SLC46A2: variants seen among roughly 807,000 people sequenced by gnomAD.
The protein encoded by SLC46A2 is thymic stromal co-transporter.
In SLC46A2, 25 loss-of-function variants were observed where a neutral mutation model predicts 33.1. That is an observed-to-expected ratio of 0.76 (90% CI 0.55 to 1.06). The LOEUF is 1.06. Among genes scored for constraint, SLC46A2 ranks in the 50% least tolerant of loss-of-function variants. The pLI is 0.00. For missense variants in SLC46A2, 622 were observed against 621.7 expected, an observed-to-expected ratio of 1.00 and a Z score of 0.00; for synonymous variants, 254 against 275.9, an observed-to-expected ratio of 0.92 and a Z score of 0.79.
At chr9:112,882,105 G>GTTGTTT in intron 3 of SLC46A2, among the ~76,000 whole-genome samples, 1 of 152,092 alleles carries the variant, frequency 6.6e-6, no homozygotes, top group East Asian at 1.9e-4. Context: ...TTTTGTTGTT[G>GTTGTTT]TTGTTTTTGT....
chr9:112,890,828 G>A lies in SLC46A2; in HGVS notation c.-147C>T, dbSNP rs144917707. ...GGAGCGCGAGTGTGCTCCGTGCGCC[G>A]GGAGCGCGCCGGCCAGTGGCGAGCA... On this transcript the variant is annotated 5_prime_UTR_variant, in exon 1 of 4. Transcript: ENST00000374228. The surrounding 1 kb of genome is among the most constrained non-coding windows in gnomAD (Gnocchi z 6.0). The A allele has an allele frequency of 2.3e-3, 2,241 of 962,598 alleles. 14 individuals carry two copies. Among genetic ancestry groups the A allele is most frequent in the African/African-American group, 0.02 (1,215 of 60,956 alleles). The allele number at this position is 962,598 out of a possible 1,614,324, so 59.6% of individuals were successfully genotyped here.
intron 3 of SLC46A2, 106 bp from the exon 4 acceptor site, chr9:112,879,925 AATC>A (rs1394895375): frequency 9.8e-7 from 1 of 1,025,516 alleles, no homozygotes; most frequent in Non-Finnish European, 1.5e-6. Context: ...CTTTAGGCAA[AATC>A]ATAGGTAGGC....
chr9:112,890,761 C>G lies in SLC46A2; in HGVS notation c.-80G>C. 6.8e-7 allele frequency: 1 copy of G among 1,473,922 alleles called. No individual in the cohort carries two copies. Among genetic ancestry groups the G allele is most frequent in the Non-Finnish European group, 9.0e-7 (1 of 1,108,586 alleles). 91.3% of individuals were successfully genotyped at this position (1,473,922 alleles called of 1,614,324 possible). On this transcript the variant is annotated 5_prime_UTR_variant, in exon 1 of 4. Transcript: ENST00000374228. The surrounding 1 kb of genome is among the most constrained non-coding windows in gnomAD (Gnocchi z 6.0). Reference sequence around the variant, plus strand: ...CTCCCAAATTCGGCTGCTACGGCTGCTCAGGTTTCAGTCCCGGAGCGCGAG... The same window carrying G: ...CTCCCAAATTCGGCTGCTACGGCTGGTCAGGTTTCAGTCCCGGAGCGCGAG...
chr9:112,883,442 A>C (rs1303432894), intron 3 of SLC46A2, among the ~76,000 whole-genome samples: 1 of 152,048 alleles, frequency 6.6e-6, no homozygotes, highest in Non-Finnish European at 1.5e-5. Context: ...AAGTTATTTA[A>C]TACCTTGGAG....
At position 112,886,717 on chromosome 9, in the gene SLC46A2, A is replaced by ACT. The variant is rs755827609; in HGVS notation, c.1214-103_1214-102dup. On this transcript the variant is annotated intron_variant, in intron 2 of 3. Transcript: ENST00000374228. The stretch of plus-strand genomic sequence containing the variant: ...AGTTCTTAGGGGACCCTTCCTTCTT[A>ACT]CTCTCTCTCTCTCTCTCTTTTTTTA... 1,012 of 1,125,384 alleles carry ACT rather than the reference A, an allele frequency of 9.0e-4. 1 individual carries two copies. The highest frequency in any genetic ancestry group is 2.4e-3 in the Middle Eastern group (8 of 3,342). 69.7% of individuals were successfully genotyped at this position (1,125,384 alleles called of 1,614,324 possible). A position where few individuals can be genotyped will look rare whatever the true frequency, so the allele number is the denominator to read the frequency against.
In SLC46A2 at chr9:112,880,918, T is replaced by A. The variant is rs146735185; in HGVS notation, c.1371-1099A>T. 1.0e-3 allele frequency among the ~76,000 whole-genome samples: 155 copies of A among 152,256 alleles called. 1 individual carries two copies. Among genetic ancestry groups the A allele is most frequent in the African/African-American group, 3.6e-3 (149 of 41,556 alleles). On this transcript the variant is annotated intron_variant, in intron 3 of 3. Transcript: ENST00000374228. ...AAGTACTGAACTTCTCCATTTCCCA[T>A]AACATCATGAGCCCTTTGCATCCAC...
intron 1 of SLC46A2, among the ~76,000 whole-genome samples, chr9:112,888,760 G>T (rs1841679814): frequency 6.6e-6 from 1 of 152,100 alleles, no homozygotes; most frequent in Non-Finnish European, 1.5e-5. Flanking sequence ...CATTGGTTGT[G>T]GAAGGCATTT....
At chr9:112,888,607 C>T (rs1458098319) in intron 1 of SLC46A2, among the ~76,000 whole-genome samples, 1 of 152,206 alleles carries the variant, frequency 6.6e-6, no homozygotes, top group Non-Finnish European at 1.5e-5. Flanking sequence ...CCAGTGGCTT[C>T]TGTATTGGAC....
In SLC46A2 at chr9:112,888,894, TG is replaced by T. The variant is rs1415391906; in HGVS notation, c.1129+658del. On this transcript the variant is annotated intron_variant, in intron 1 of 3. Coordinates refer to ENST00000374228, the MANE Select transcript of SLC46A2 (RefSeq NM_033051.4). ...CCACGTTTTTTTTTTTTTGTTTGTT[TG>T]TTTTTTTTTTTTTGAGACAGAGTCT... is the stretch of plus-strand genomic sequence containing the variant. Among the ~76,000 whole-genome samples, 1,052 of 147,118 alleles carry T rather than the reference TG, an allele frequency of 7.2e-3. 12 individuals carry two copies. The highest frequency in any genetic ancestry group is 0.022 in the African/African-American group (868 of 38,798).
chr9:112,890,705 A>G lies in SLC46A2; in HGVS notation c.-24T>C. 6.4e-7 allele frequency: 1 copy of G among 1,573,606 alleles called. No homozygotes were observed. Among genetic ancestry groups the G allele is most frequent in the South Asian group, 1.1e-5 (1 of 88,116 alleles). On this transcript the variant is annotated 5_prime_UTR_variant, in exon 1 of 4. Coordinates refer to ENST00000374228, the MANE Select transcript of SLC46A2 (RefSeq NM_033051.4). This position sits in a 1 kb window ranked among gnomAD's most constrained non-coding sequence, Gnocchi z 6.0. ...ATGTGACCTCTCTGATGGGGATCGA[A>G]GGGCTTTCTGGCTGCAGTGACAAGG...
At chr9:112,881,100 T>C (rs900577484) in intron 3 of SLC46A2, among the ~76,000 whole-genome samples, 52 of 152,224 alleles carry the variant, frequency 3.4e-4, no homozygotes, top group African/African-American at 1.2e-3. Context: ...TTACATTGTT[T>C]AAAATTATCT....
chr9:112,881,691 G>A (rs1014423924), intron 3 of SLC46A2: 2 of 152,220 alleles, frequency 1.3e-5, no homozygotes, highest in African/African-American at 4.8e-5. Flanking sequence ...TATATGCTAG[G>A]ATCTGTGCTG....
chr9:112,890,805 AGCGCGAGTGTGCTCCGTGCGCCG>A lies in SLC46A2; in HGVS notation c.-147_-125del, dbSNP rs1266598676. 0.011 allele frequency: 12,992 copies of A among 1,146,952 alleles called. 114 individuals are homozygous for A. Among genetic ancestry groups the A allele is most frequent in the Non-Finnish European group, 0.013 (10,626 of 830,350 alleles). 71.0% of individuals were successfully genotyped at this position (1,146,952 alleles called of 1,614,324 possible). A position where few individuals can be genotyped will look rare whatever the true frequency, so the allele number is the denominator to read the frequency against. ...GCGCGAGTGTGCTCCGTGCGCCGGG[AGCGCGAGTGTGCTCCGTGCGCCG>A]GGAGCGCGCCGGCCAGTGGCGAGCA... On this transcript the variant is annotated 5_prime_UTR_variant, in exon 1 of 4. Transcript: ENST00000374228. This position sits in a 1 kb window ranked among gnomAD's most constrained non-coding sequence, Gnocchi z 6.0.
Position 112,878,931 on chromosome 9 carries a change from T to C in SLC46A2, c.*831A>G, listed in dbSNP as rs139239754. 2.4e-4 allele frequency: 37 copies of C among 152,296 alleles called. 1 individual carries two copies. Among genetic ancestry groups the C allele is most frequent in the African/African-American group, 8.7e-4 (36 of 41,584 alleles). 9.4% of individuals were successfully genotyped at this position (152,296 alleles called of 1,614,324 possible). A position where few individuals can be genotyped will look rare whatever the true frequency, so the allele number is the denominator to read the frequency against. ...GATTCACACACTCATACAATGAATG[T>C]TGATTTTATTAGGTGAGTCTGCTTT... is the stretch of plus-strand genomic sequence containing the variant. On this transcript the variant is annotated 3_prime_UTR_variant, in exon 4 of 4. Coordinates refer to ENST00000374228, the MANE Select transcript of SLC46A2 (RefSeq NM_033051.4).
intron 1 of SLC46A2, among the ~76,000 whole-genome samples, chr9:112,887,692 T>C (rs1051735285): frequency 6.6e-6 from 1 of 152,130 alleles, no homozygotes; most frequent in Non-Finnish European, 1.5e-5. Context: ...CTGGTGGAGT[T>C]GAGTGATTAC....
intron 1 of SLC46A2, among the ~76,000 whole-genome samples, chr9:112,889,060 T>G (rs1456767247): frequency 6.6e-6 from 1 of 152,094 alleles, no homozygotes; most frequent in Non-Finnish European, 1.5e-5. Flanking sequence ...CTGGCTAATT[T>G]TTATGCTTTT....
rs1588150151 is a variant in SLC46A2, at chr9:112,887,182, G to A, written c.1213+148C>T. The A allele has an allele frequency of 7.3e-6, 5 of 685,750 alleles. No individual in the cohort carries two copies. The East Asian group carries it at 8.6e-5, about 12-fold the overall frequency. 42.5% of individuals were successfully genotyped at this position (685,750 alleles called of 1,614,324 possible). ...ACTCCTATACCCGTCTCCACTCTCT[G>A]TGCCCTGGATGGAAACCAGTGTTTC... On this transcript the variant is annotated intron_variant, in intron 2 of 3. Transcript: ENST00000374228.
chr9:112,883,895 C>T (rs1841613752), intron 3 of SLC46A2, among the ~76,000 whole-genome samples: 2 of 152,092 alleles, frequency 1.3e-5, no homozygotes, highest in Non-Finnish European at 2.9e-5. Context: ...CATGGTTTCA[C>T]TATGTTGGCC....
intron 3 of SLC46A2, 67 bp from the exon 4 acceptor site, chr9:112,879,886 C>T: frequency 6.9e-7 from 1 of 1,439,546 alleles, no homozygotes; most frequent in Non-Finnish European, 9.8e-7. Flanking sequence ...AAACTGCCCT[C>T]ACAGGGTTAA....
Sources: gnomAD v4.1 joint callset for allele counts (sites outside exome capture counted in the v4.1 genomes callset) on GRCh38, gnomAD v4.1.1 for gene constraint, Gnocchi (gnomAD v3.1) non-coding constraint, MANE v1.5 for transcripts, NCBI Gene and HGNC (gene_info 2026-07-23, HGNC 2026-07-21) for gene names.